Variants in PTGS1 observed in about 807,000 individuals in gnomAD.
The protein encoded by PTGS1 is prostaglandin G/H synthase 1.
Under a neutral mutation model 63.0 loss-of-function variants are expected in PTGS1, and 40 were observed. The observed-to-expected ratio is 0.63, with a 90% confidence interval of 0.49 to 0.83. PTGS1 has a LOEUF of 0.83. Among genes scored for constraint, PTGS1 ranks in the 40% least tolerant of loss-of-function variants. The pLI is 0.00. For synonymous variants in PTGS1, 298 were observed against 301.9 expected (o/e 0.99, Z 0.13); for missense variants, 709 against 786.5 (o/e 0.90, Z 1.18).
intron 7 of PTGS1, among the ~76,000 whole-genome samples, 167 bp downstream of exon 7, chr9:122,381,914 G>A (rs73665123): frequency 0.012 from 1,777 of 152,346 alleles, 40 homozygotes; most frequent in African/African-American, 0.041. Context: ...CAGCAGGTAT[G>A]AGAAGCCAGG....
chr9:122,390,344 A>G lies in PTGS1; in HGVS notation c.1443A>G (p.Val481=). 2 of 1,613,966 alleles carry G rather than the reference A, an allele frequency of 1.2e-6. No individual in the cohort carries two copies. Among genetic ancestry groups the G allele is most frequent in the South Asian group, 1.1e-5 (1 of 91,020 alleles). Residue 481 remains valine, a splice_region_variant and synonymous_variant, in exon 10 of 11, where the codon GTA becomes GTG. Transcript: ENST00000362012. ...MKPYTSFQEL[V]GEKEMAAELE... The stretch of plus-strand genomic sequence containing the variant: ...CCTACACCTCCTTCCAGGAGCTCGT[A>G]GGTGAGCAGCTGTTTCCTGGATGCA...
chr9:122,370,874 C>T, upstream of PTGS1: 1 of 785,968 alleles, frequency 1.3e-6, no homozygotes, highest in South Asian at 1.9e-5. Context: ...GGTGAAAAGC[C>T]GCTTTAGCGG....
chr9:122,371,821 G>C, intron 2 of PTGS1: 1 of 1,533,494 alleles, frequency 6.5e-7, no homozygotes, highest in Non-Finnish European at 8.7e-7. Flanking sequence ...AGCAAATGAG[G>C]AAACCGAGGC....
Position 122,378,723 on chromosome 9 carries a change from A to T in PTGS1, c.353-52A>T. The T allele has an allele frequency of 3.1e-6, 5 of 1,609,670 alleles. No individual in the cohort carries two copies. In the South Asian group the frequency reaches 5.5e-5, roughly 18 times the overall value. The stretch of plus-strand genomic sequence containing the variant: ...AACCCAGGAGGAGGCAAGAACTGGG[A>T]TGGAGCTGGGGGTGGAAACACCCTT... On this transcript the variant is annotated intron_variant, in intron 4 of 10. Coordinates refer to ENST00000362012, the MANE Select transcript of PTGS1 (RefSeq NM_000962.4).
Position 122,381,652 on chromosome 9 carries a change from C to G in PTGS1, c.679-12C>G, listed in dbSNP as rs1327755554. On this transcript the variant is annotated splice_polypyrimidine_tract_variant and intron_variant, in intron 6 of 10. Transcript: ENST00000362012. ...ACCCTGGTGACCTGAGGGAACCCCT[C>G]TCTGTCCACAGGTAGACCTCGGCCA... The G allele has an allele frequency of 2.5e-6, 4 of 1,613,880 alleles. No homozygotes were observed. The highest frequency in any genetic ancestry group is 2.5e-6 in the Non-Finnish European group (3 of 1,179,858).
chr9:122,370,744 C>T, upstream of PTGS1: 1 of 538,536 alleles, frequency 1.9e-6, no homozygotes, highest in Non-Finnish European at 3.3e-6. Context: ...CCGCTTCCAT[C>T]CCCAGTTCTG....
chr9:122,392,320 G>T lies in PTGS1; in HGVS notation c.1576G>T (p.Ala526Ser), dbSNP rs373931629. 108 of 1,614,144 alleles carry T rather than the reference G, an allele frequency of 6.7e-5. 1 individual carries two copies. In the East Asian group the frequency reaches 2.1e-3, roughly 32 times the overall value. ...IFGESMIEIG[A>S]PFSLKGLLGN... ...TGGGGAGAGTATGATAGAGATTGGG[G>T]CTCCCTTTTCCCTCAAGGGTCTCCT... Residue 526 changes from alanine to serine, a missense_variant, in exon 11 of 11, where the codon GCT (alanine) becomes TCT (serine). Coordinates refer to ENST00000362012, the MANE Select transcript of PTGS1 (RefSeq NM_000962.4).
intron 8 of PTGS1, among the ~76,000 whole-genome samples, chr9:122,385,593 T>C (rs527464392): frequency 1.3e-5 from 2 of 152,196 alleles, no homozygotes; most frequent in South Asian, 2.1e-4. Context: ...AATCCTGTTA[T>C]ATAAGAACAT....
chr9:122,371,776 G>C, intron 2 of PTGS1: 1 of 1,533,974 alleles, frequency 6.5e-7, no homozygotes, highest in Non-Finnish European at 8.7e-7. Context: ...TTAGGAGCCG[G>C]GATGCTTCAT....
chr9:122,379,103 G>A (rs1254567625), intron 5 of PTGS1, among the ~76,000 whole-genome samples, 185 bp downstream of exon 5: 1 of 152,216 alleles, frequency 6.6e-6, no homozygotes, highest in East Asian at 1.9e-4. Flanking sequence ...CTTGCCTGAG[G>A]TCACCTAGAG....
Position 122,390,347 on chromosome 9 carries a change from T to C in PTGS1, c.1444+2T>C, listed in dbSNP as rs752592022. 1.2e-6 allele frequency: 2 copies of C among 1,613,812 alleles called. No homozygotes were observed. The highest frequency in any genetic ancestry group is 1.7e-6 in the Non-Finnish European group (2 of 1,179,852). On this transcript the variant is annotated splice_donor_variant, in intron 10 of 10. Transcript: ENST00000362012. LOFTEE classifies it high-confidence loss of function. ...ACACCTCCTTCCAGGAGCTCGTAGG[T>C]GAGCAGCTGTTTCCTGGATGCAGTC...
intron 2 of PTGS1, 146 bp downstream of exon 2, chr9:122,371,418 A>G: frequency 8.0e-7 from 1 of 1,245,678 alleles, no homozygotes; most frequent in Non-Finnish European, 1.1e-6. Flanking sequence ...TTTTGGTGGG[A>G]TGGGGGCTCC....
chr9:122,395,276 A>G lies in PTGS1; in HGVS notation c.*2732A>G, dbSNP rs970319726. On this transcript the variant is annotated 3_prime_UTR_variant, in exon 11 of 11. Transcript: ENST00000362012. ...AGGGAAACAGGCTAAATGCACCAAGAAAGCTTCTTCAGAGTGAAGAATCTT... is the reference window on the plus strand; with the variant it reads ...AGGGAAACAGGCTAAATGCACCAAGGAAGCTTCTTCAGAGTGAAGAATCTT... 5 of 152,246 alleles carry G rather than the reference A, an allele frequency of 3.3e-5. 1 individual carries two copies. The highest frequency in any genetic ancestry group is 1.2e-4 in the African/African-American group (5 of 41,456). The allele number at this position is 152,246 out of a possible 1,614,324, so 9.4% of individuals were successfully genotyped here. A position where few individuals can be genotyped will look rare whatever the true frequency, so the allele number is the denominator to read the frequency against.
rs1234825191 is a variant in PTGS1 at position 122,392,402 on chromosome 9, TG to T, written c.1661del (p.Gly554AlafsTer10). ...AAGCCGAGCACATTTGGCGGCGAGGTGGGCTTTAACATTGTCAAGACGGCCA... is the reference window on the plus strand; with the variant it reads ...AAGCCGAGCACATTTGGCGGCGAGGTGGCTTTAACATTGTCAAGACGGCCA... ...YWKPSTFGGE[V>X]GFNIVKTATL... On this transcript the variant is annotated frameshift_variant, in exon 11 of 11. Transcript: ENST00000362012. LOFTEE classifies it high-confidence loss of function. The T allele has an allele frequency of 6.2e-7, 1 of 1,613,942 alleles. No individual in the cohort carries two copies. The highest frequency in any genetic ancestry group is 8.5e-7 in the Non-Finnish European group (1 of 1,179,982).
chr9:122,385,652 G>A (rs9299283), intron 8 of PTGS1, among the ~76,000 whole-genome samples: 2,267 of 152,066 alleles, frequency 0.015, 45 homozygotes, highest in African/African-American at 0.048. Context: ...CTCCCCTTCT[G>A]TCCTCAGTAT....
At position 122,386,675 on chromosome 9, in the gene PTGS1, G is replaced by T; in HGVS notation, c.1239G>T (p.Leu413Phe). 1 of 1,614,186 alleles carries T rather than the reference G, an allele frequency of 6.2e-7. No individual in the cohort carries two copies. Among genetic ancestry groups the T allele is most frequent in the Non-Finnish European group, 8.5e-7 (1 of 1,180,038 alleles). The change falls in exon 9 of 11, where the codon TTG becomes TTT. Residue 413 changes from leucine to phenylalanine, a missense_variant. Transcript: ENST00000362012. ...YEQFLFNTSM[L>F]VDYGVEALVD... ...AGTTCTTGTTCAACACCTCCATGTT[G>T]GTGGACTATGGGGTTGAGGCCCTGG...
intron 2 of PTGS1, chr9:122,375,261 C>G: frequency 1.0e-6 from 1 of 984,492 alleles, no homozygotes; most frequent in Non-Finnish European, 1.2e-6. Flanking sequence ...GGAGCCTCAG[C>G]TCCCGCACAG....
intron 9 of PTGS1, among the ~76,000 whole-genome samples, chr9:122,389,735 A>G (rs1344157970): frequency 6.6e-6 from 1 of 152,058 alleles, no homozygotes; most frequent in Non-Finnish European, 1.5e-5. Flanking sequence ...TGGGAGGATC[A>G]TTTGAGACCA....
intron 2 of PTGS1, 130 bp downstream of exon 2, chr9:122,371,402 TGA>T (rs1836799729): frequency 1.4e-6 from 2 of 1,460,764 alleles, no homozygotes; most frequent in African/African-American, 1.4e-5. Context: ...AGACTGAGGC[TGA>T]GTCTTTTGGT....
Sources: gnomAD v4.1 joint callset for allele counts (sites outside exome capture counted in the v4.1 genomes callset) on GRCh38, gnomAD v4.1.1 for gene constraint, MANE v1.5 for transcripts, NCBI Gene and HGNC (gene_info 2026-07-23, HGNC 2026-07-21) for gene names.